The following ELAVL4 variants were observed in gnomAD, a reference collection of about 807,000 sequenced individuals.
ELAVL4 encodes the protein ELAV-like protein 4.
In ELAVL4, 1 loss-of-function variant was observed where a neutral mutation model predicts 35.6. The ratio of observed to expected loss-of-function variants is 0.03; its 90% CI spans 0.01 to 0.13. ELAVL4 has a LOEUF of 0.13. Ranked by LOEUF, ELAVL4 falls within the 10% of genes least tolerant of loss-of-function variation. The pLI is 1.00. For synonymous variants in ELAVL4, 156 were observed against 171.0 expected (o/e 0.91, Z 0.69); for missense variants, 267 against 464.9 (o/e 0.57, Z 3.91).
chr1:50,159,711 G>A (rs562830867), intron 2 of ELAVL4, among the ~76,000 whole-genome samples: 28 of 152,270 alleles, frequency 1.8e-4, no homozygotes, highest in Non-Finnish European at 4.1e-4. Flanking sequence ...ATTACCCAAG[G>A]AACCCTTTTC....
chr1:50,100,253 A>G (rs1665910597), upstream of ELAVL4, among the ~76,000 whole-genome samples: 2 of 152,194 alleles, frequency 1.3e-5, no homozygotes, highest in East Asian at 1.9e-4. Flanking sequence ...TGTTCCGTCA[A>G]TATTAATTCT....
chr1:50,113,852 A>G (rs1667499784), intron 1 of ELAVL4, among the ~76,000 whole-genome samples: 1 of 152,036 alleles, frequency 6.6e-6, no homozygotes, highest in African/African-American at 2.4e-5. Flanking sequence ...TATCAGTATA[A>G]GTGTGTTGCA....
intron 1 of ELAVL4, among the ~76,000 whole-genome samples, chr1:50,076,355 C>T (rs1343639273): frequency 3.3e-5 from 5 of 152,104 alleles, no homozygotes; most frequent in African/African-American, 4.8e-5. Flanking sequence ...AAAGAGATCA[C>T]GCTTACATAA....
rs887720702 is a variant in ELAVL4, at chr1:50,198,973, G to T, written c.773+1506G>T. On this transcript the variant is annotated intron_variant, in intron 6 of 6. Coordinates refer to ENST00000371824, the MANE Select transcript of ELAVL4 (RefSeq NM_001144774.3). Reference sequence around the variant, plus strand: ...CTTAGCTGTTTTCTACCTATAAACAGAAAGAGGTCAGTTCACCAGGGTCAA... The same window carrying T: ...CTTAGCTGTTTTCTACCTATAAACATAAAGAGGTCAGTTCACCAGGGTCAA... Among the ~76,000 whole-genome samples, 66 of 152,190 alleles carry T rather than the reference G, an allele frequency of 4.3e-4. 2 individuals carry two copies. The highest frequency in any genetic ancestry group is 4.3e-3 in the Admixed American group (65 of 15,282).
intron 1 of ELAVL4, among the ~76,000 whole-genome samples, chr1:50,110,230 T>C (rs1190133032): frequency 6.6e-6 from 1 of 152,070 alleles, no homozygotes; most frequent in African/African-American, 2.4e-5. Context: ...CCAAGGAAGG[T>C]TGGTGTCTTT....
intron 1 of ELAVL4, among the ~76,000 whole-genome samples, chr1:50,089,664 A>G (rs1665404725): frequency 6.6e-6 from 1 of 152,216 alleles, no homozygotes; most frequent in South Asian, 2.1e-4. Flanking sequence ...CTGAGGTGGG[A>G]GGATCACCTG....
intron 1 of ELAVL4, among the ~76,000 whole-genome samples, chr1:50,128,958 C>T (rs377668822): frequency 6.6e-6 from 1 of 151,976 alleles, no homozygotes; most frequent in Admixed American, 6.6e-5. Context: ...AGTTTGCTCA[C>T]CTGTAAACTG....
At chr1:50,152,075 G>A (rs1674890207) in intron 2 of ELAVL4, among the ~76,000 whole-genome samples, 1 of 152,118 alleles carries the variant, frequency 6.6e-6, no homozygotes, top group South Asian at 2.1e-4. Context: ...GTGGAGCTGT[G>A]AGGTTTAGGG....
intron 2 of ELAVL4, among the ~76,000 whole-genome samples, chr1:50,173,410 T>C (rs1399388128): frequency 6.6e-6 from 1 of 152,242 alleles, no homozygotes; most frequent in Admixed American, 6.5e-5. Context: ...GTAGCCATTA[T>C]GTATAGCAGT....
chr1:50,131,865 T>C (rs537654117), intron 1 of ELAVL4, among the ~76,000 whole-genome samples: 1 of 149,386 alleles, frequency 6.7e-6, no homozygotes, highest in Non-Finnish European at 1.5e-5. Flanking sequence ...AAAAGATAAA[T>C]TCAGAAGTAA....
At chr1:50,194,568 G>A (rs142921638) in intron 4 of ELAVL4, among the ~76,000 whole-genome samples, 8 of 152,274 alleles carry the variant, frequency 5.3e-5, no homozygotes, top group South Asian at 2.1e-4. Flanking sequence ...AGTTTAGCAC[G>A]TTTATCATGT....
intron 1 of ELAVL4, among the ~76,000 whole-genome samples, chr1:50,085,562 G>T (rs1388850008): frequency 6.6e-6 from 1 of 152,144 alleles, no homozygotes; most frequent in African/African-American, 2.4e-5. Flanking sequence ...AAATACAGTT[G>T]CCCCTTGCTC....
At chr1:50,072,978 A>G (rs1451349906) in intron 1 of ELAVL4, among the ~76,000 whole-genome samples, 2 of 152,224 alleles carry the variant, frequency 1.3e-5, no homozygotes, top group Non-Finnish European at 2.9e-5. Context: ...ATTCACCTTT[A>G]GTCCCCATCT....
upstream of ELAVL4, chr1:50,103,865 G>T (rs1304045630): frequency 1.3e-6 from 2 of 1,572,454 alleles, no homozygotes; most frequent in Non-Finnish European, 1.7e-6. Flanking sequence ...GGAGGAAAAG[G>T]TCTGCAGCTG....
intron 1 of ELAVL4, among the ~76,000 whole-genome samples, chr1:50,117,016 G>C (rs1668067171): frequency 6.6e-6 from 1 of 152,050 alleles, no homozygotes; most frequent in Admixed American, 6.6e-5. Context: ...TTCCCCAAAG[G>C]AAGCTTTACA....
chr1:50,145,048 C>A lies in ELAVL4; in HGVS notation c.101C>A (p.Pro34His), dbSNP rs1012234646. The A allele has an allele frequency of 1.2e-6, 2 of 1,613,934 alleles. No homozygotes were observed. Among genetic ancestry groups the A allele is most frequent in the Admixed American group, 1.7e-5 (1 of 59,990 alleles). ...PSSNNRNCPS[P>H]MQTGATTDDS... ...AGCAACAACAGAAACTGTCCTTCTCCCATGCAAACAGGGGCAACCACAGAT... is the reference window on the plus strand; with the variant it reads ...AGCAACAACAGAAACTGTCCTTCTCACATGCAAACAGGGGCAACCACAGAT... The change falls in exon 2 of 7, where the codon CCC becomes CAC. Residue 34 changes from proline (P) to histidine (H), a missense_variant. Physicochemically the swap from Pro to His is moderately conservative, Grantham distance 77. Around this residue, in one of 2 missense-constraint regions of ELAVL4, gnomAD observed 51 missense variants for 55.4 expected, o/e 0.92. Coordinates refer to ENST00000371824, the MANE Select transcript of ELAVL4 (RefSeq NM_001144774.3).
chr1:50,077,566 C>T (rs1664819512), intron 1 of ELAVL4, among the ~76,000 whole-genome samples: 1 of 152,194 alleles, frequency 6.6e-6, no homozygotes, highest in Non-Finnish European at 1.5e-5. Context: ...ATGTTAATCT[C>T]ATTTAAAACA....
In ELAVL4 at chr1:50,128,176, A is replaced by G. The variant is rs539720269; in HGVS notation, c.10-16781A>G. Among the ~76,000 whole-genome samples, 3 of 152,294 alleles carry G rather than the reference A, an allele frequency of 2.0e-5. No individual in the cohort carries two copies. In the East Asian group the frequency reaches 5.8e-4, roughly 29 times the overall value. On this transcript the variant is annotated intron_variant, in intron 1 of 6. Transcript: ENST00000371824. ...GATCTAATTTCCTATGTGGAGATGA[A>G]GAAACAAAGGCTGTAAACATGGCCT...
In ELAVL4 at chr1:50,109,266, A is replaced by G. The variant is rs1174219571; in HGVS notation, c.9+68A>G. 16 of 1,529,496 alleles carry G rather than the reference A, an allele frequency of 1.0e-5. No individual in the cohort carries two copies. In the Admixed American group the frequency reaches 2.6e-4, roughly 25 times the overall value. 94.7% of individuals were successfully genotyped at this position (1,529,496 alleles called of 1,614,324 possible). A position where few individuals can be genotyped will look rare whatever the true frequency, so the allele number is the denominator to read the frequency against. ...AGGGAAGAAAAGCATCTACACCTTG[A>G]CCAGTCTTATGCTTGCACAAGAGTT... On this transcript the variant is annotated intron_variant, in intron 1 of 6. Transcript: ENST00000371824.
Sources: gnomAD v4.1 joint callset for allele counts (sites outside exome capture counted in the v4.1 genomes callset) on GRCh38, gnomAD v4.1.1 for gene constraint, gnomAD v4.1.1 regional missense constraint, MANE v1.5 for transcripts, NCBI Gene and HGNC (gene_info 2026-07-23, HGNC 2026-07-21) for gene names.